The following MAGI2 variants were observed in gnomAD, a reference collection of about 807,000 sequenced individuals.
The protein encoded by MAGI2 is membrane-associated guanylate kinase, WW and PDZ domain-containing protein 2.
In MAGI2, 35 loss-of-function variants were observed where a neutral mutation model predicts 133.3. The ratio of observed to expected loss-of-function variants is 0.26; its 90% CI spans 0.20 to 0.35. The LOEUF (loss-of-function observed/expected upper bound fraction) is 0.35, where lower values mean the gene tolerates loss of function less well. MAGI2 is among the 10% of genes least tolerant of loss of function. The probability of loss-of-function intolerance (pLI) is 1.00; values close to 1 mark genes in which losing one functional copy is unlikely to be tolerated. For synonymous variants in MAGI2, 729 were observed against 710.6 expected (o/e 1.03, Z -0.41); for missense variants, 1,636 against 1,863.4 (o/e 0.88, Z 2.25).
Position 78,185,650 on chromosome 7 carries a change from T to G in MAGI2, c.2290A>C (p.Ser764Arg), listed in dbSNP as rs1827615310. ...TTGCCAGAGGAATCCATTCGAAAAC[T>G]GGTCCTGGGTGGCACTTGTTCTGGA... is the stretch of plus-strand genomic sequence containing the variant. ...ESRQQVPPRT[S>R]FRMDSSGPDY... Residue 764 changes from serine to arginine, a missense_variant, in exon 13 of 22, where the codon AGT becomes CGT. Ser to Arg is a moderately radical substitution (Grantham distance 110, BLOSUM62 -1). Coordinates refer to ENST00000354212, the MANE Select transcript of MAGI2 (RefSeq NM_012301.4). 6.3e-7 allele frequency: 1 copy of G among 1,590,000 alleles called. No individual in the cohort carries two copies. The highest frequency in any genetic ancestry group is 8.6e-7 in the Non-Finnish European group (1 of 1,163,376).
intron 3 of MAGI2, among the ~76,000 whole-genome samples, chr7:78,569,164 TTTA>T (rs1801250040): frequency 6.6e-6 from 1 of 152,078 alleles, no homozygotes; most frequent in South Asian, 2.1e-4. Context: ...ATTCCTTTGC[TTTA>T]TTTTCTTAAG....
intron 2 of MAGI2, among the ~76,000 whole-genome samples, chr7:78,856,682 G>A (rs1289736689): frequency 6.6e-6 from 1 of 152,140 alleles, no homozygotes; most frequent in African/African-American, 2.4e-5. Context: ...AATTCAGGTA[G>A]CATGATGCCT....
intron 2 of MAGI2, among the ~76,000 whole-genome samples, chr7:78,719,555 G>T (rs905576192): frequency 6.6e-6 from 1 of 152,234 alleles, no homozygotes; most frequent in Non-Finnish European, 1.5e-5. Flanking sequence ...TTATGATCGT[G>T]TATTGGGGTT....
chr7:78,766,590 C>G (rs1825050595), intron 2 of MAGI2, among the ~76,000 whole-genome samples: 1 of 152,146 alleles, frequency 6.6e-6, no homozygotes, highest in South Asian at 2.1e-4. Flanking sequence ...TGTTAGTTTC[C>G]TTAAACACTC....
chr7:78,248,288 A>T (rs184791508), intron 10 of MAGI2, among the ~76,000 whole-genome samples: 5 of 152,340 alleles, frequency 3.3e-5, no homozygotes, highest in African/African-American at 9.6e-5. Context: ...AAAGCATATG[A>T]AAGTACAACA....
chr7:78,544,608 G>A (rs867285840), intron 3 of MAGI2, among the ~76,000 whole-genome samples: 4 of 152,186 alleles, frequency 2.6e-5, no homozygotes, highest in African/African-American at 9.7e-5. Context: ...GTGATCTGCA[G>A]TCCAGTAGCA....
intron 4 of MAGI2, among the ~76,000 whole-genome samples, chr7:78,508,890 T>C (rs1295904604): frequency 9.1e-5 from 5 of 54,698 alleles, no homozygotes; most frequent in African/African-American, 2.2e-4. Flanking sequence ...AAAATAGTCT[T>C]TTTTTTTTTT....
intron 3 of MAGI2, among the ~76,000 whole-genome samples, chr7:78,548,104 A>C (rs1260481071): frequency 6.6e-6 from 1 of 151,876 alleles, no homozygotes; most frequent in Non-Finnish European, 1.5e-5. Context: ...AGTTAGAAAG[A>C]GCCTTGACCA....
intron 1 of MAGI2, among the ~76,000 whole-genome samples, chr7:79,392,558 G>C (rs1844738391): frequency 6.6e-6 from 1 of 152,094 alleles, no homozygotes; most frequent in South Asian, 2.1e-4. Flanking sequence ...TTTCTTACTG[G>C]AGTGAGATGG....
chr7:78,511,676 A>G (rs1795594996), intron 4 of MAGI2, among the ~76,000 whole-genome samples: 1 of 150,982 alleles, frequency 6.6e-6, no homozygotes, highest in South Asian at 2.1e-4. Context: ...GTTAGCAGTA[A>G]TAATTATCTT....
intron 3 of MAGI2, among the ~76,000 whole-genome samples, chr7:78,585,104 T>A (rs1803262545): frequency 6.6e-6 from 1 of 152,204 alleles, no homozygotes; most frequent in African/African-American, 2.4e-5. Flanking sequence ...AAGGAAGAAT[T>A]ACTTTGAGTT....
At chr7:79,024,303 C>T (rs1189927541) in intron 1 of MAGI2, among the ~76,000 whole-genome samples, 1 of 152,062 alleles carries the variant, frequency 6.6e-6, no homozygotes, top group Non-Finnish European at 1.5e-5. Context: ...ATACCGGACC[C>T]CTTCCTTACA....
chr7:78,447,144 G>T (rs1490872840), intron 6 of MAGI2, among the ~76,000 whole-genome samples: 1 of 152,060 alleles, frequency 6.6e-6, no homozygotes, highest in African/African-American at 2.4e-5. Context: ...TCCATCAGAA[G>T]TGCAGCTAGG....
At chr7:78,629,396 T>C (rs1010834376) in intron 2 of MAGI2, among the ~76,000 whole-genome samples, 1 of 152,186 alleles carries the variant, frequency 6.6e-6, no homozygotes, top group Admixed American at 6.5e-5. Context: ...TCTGATCCTT[T>C]TTTCCTATTC....
chr7:78,196,982 A>G (rs1016586251), intron 11 of MAGI2, among the ~76,000 whole-genome samples: 1 of 152,240 alleles, frequency 6.6e-6, no homozygotes, highest in African/African-American at 2.4e-5. Flanking sequence ...TGTAACTCTA[A>G]CAGAAGTAAT....
At chr7:79,134,260 A>G (rs1002286120) in intron 1 of MAGI2, among the ~76,000 whole-genome samples, 4 of 152,242 alleles carry the variant, frequency 2.6e-5, no homozygotes, top group Non-Finnish European at 5.9e-5. Flanking sequence ...ATTAGTTGAT[A>G]TAATAATCAA....
At chr7:79,103,872 TTTA>T in intron 1 of MAGI2, among the ~76,000 whole-genome samples, 2 of 151,754 alleles carry the variant, frequency 1.3e-5, no homozygotes, top group African/African-American at 4.8e-5. Flanking sequence ...GCTAATTTTT[TTTA>T]TATTTTTAGT....
intron 1 of MAGI2, among the ~76,000 whole-genome samples, chr7:79,299,432 G>A (rs1837207525): frequency 1.3e-5 from 2 of 150,064 alleles, no homozygotes; most frequent in African/African-American, 4.9e-5. Context: ...CATAAGCCAT[G>A]TAAAAAGATA....
At chr7:79,039,478 C>T (rs978963200) in intron 1 of MAGI2, among the ~76,000 whole-genome samples, 2 of 151,558 alleles carry the variant, frequency 1.3e-5, no homozygotes, top group African/African-American at 4.9e-5. Context: ...TTGCTTTATT[C>T]ACAGGCAACA....
Sources: gnomAD v4.1 joint callset for allele counts (sites outside exome capture counted in the v4.1 genomes callset) on GRCh38, gnomAD v4.1.1 for gene constraint, MANE v1.5 for transcripts, NCBI Gene and HGNC (gene_info 2026-07-23, HGNC 2026-07-21) for gene names.